PPP6R3: variants seen among roughly 807,000 people sequenced by gnomAD.
PPP6R3 encodes protein phosphatase 6 regulatory subunit 3.
In PPP6R3, 38 loss-of-function variants were observed where a neutral mutation model predicts 110.7. The observed-to-expected ratio is 0.34, with a 90% CI of 0.26 to 0.45. The LOEUF is 0.45. PPP6R3 is among the 20% of genes least tolerant of loss of function. The pLI, the probability that PPP6R3 is intolerant of heterozygous loss-of-function variation, is 1.00. For missense variants in PPP6R3, 870 were observed against 1,062.4 expected, an observed-to-expected ratio of 0.82 and a Z score of 2.52; for synonymous variants, 369 against 373.5, an observed-to-expected ratio of 0.99 and a Z score of 0.14.
At chr11:68,497,911 A>T (rs2153466156) in intron 1 of PPP6R3, among the ~76,000 whole-genome samples, 1 of 152,262 alleles carries the variant, frequency 6.6e-6, no homozygotes, top group South Asian at 2.1e-4. Context: ...TTCACTGGAT[A>T]GATAAAAGAA....
chr11:68,497,195 C>T lies in PPP6R3; in HGVS notation c.-157-22306C>T, dbSNP rs1231357869. 6.2e-5 allele frequency among the ~76,000 whole-genome samples: 9 copies of T among 144,784 alleles called. No individual in the cohort carries two copies. The East Asian group carries it at 1.0e-3, about 17-fold the overall frequency. The allele number at this position is 144,784 out of a possible 152,430, so 95.0% of individuals were successfully genotyped here. A position where few individuals can be genotyped will look rare whatever the true frequency, so the allele number is the denominator to read the frequency against. ...CCGAGTAGCTGGGACTACAGGTGCC[C>T]GCCACCACGCCCGGCTAATTTTTTT... On this transcript the variant is annotated intron_variant, in intron 1 of 23. Transcript: ENST00000393800.
intron 14 of PPP6R3, among the ~76,000 whole-genome samples, chr11:68,581,980 A>C (rs1019047072): frequency 6.6e-6 from 1 of 152,174 alleles, no homozygotes; most frequent in Non-Finnish European, 1.5e-5. Context: ...TCAGGCAGTG[A>C]TTTGCTCAGA....
chr11:68,505,474 T>G (rs2099070961), intron 1 of PPP6R3, among the ~76,000 whole-genome samples: 1 of 152,166 alleles, frequency 6.6e-6, no homozygotes, highest in Non-Finnish European at 1.5e-5. Flanking sequence ...TTTTAAAAAT[T>G]GAATTATTGT....
intron 23 of PPP6R3, among the ~76,000 whole-genome samples, chr11:68,610,767 T>C (rs901652208): frequency 6.6e-6 from 1 of 152,154 alleles, no homozygotes. Flanking sequence ...TGTGAACAAA[T>C]GTAGCTAAGA....
chr11:68,588,465 C>T (rs1375155655), intron 16 of PPP6R3, among the ~76,000 whole-genome samples: 21 of 151,896 alleles, frequency 1.4e-4, no homozygotes, highest in African/African-American at 2.4e-5. Flanking sequence ...TGACGTGGTC[C>T]CTTTTTTTTG....
chr11:68,485,702 T>C (rs2098942527), intron 1 of PPP6R3, among the ~76,000 whole-genome samples: 1 of 151,574 alleles, frequency 6.6e-6, no homozygotes, highest in East Asian at 1.9e-4. Context: ...TTTAAAAAAT[T>C]ATTTATTTTG....
chr11:68,542,400 T>TTTTTTTTTTTTTG (rs1173863254), intron 3 of PPP6R3, among the ~76,000 whole-genome samples: 6 of 63,348 alleles, frequency 9.5e-5, no homozygotes, highest in Non-Finnish European at 2.0e-4. Flanking sequence ...TTTTTTTTTT[T>TTTTTTTTTTTTTG]TTTTTTTTTT....
At chr11:68,598,604 G>A (rs532238519) in intron 19 of PPP6R3, among the ~76,000 whole-genome samples, 94 of 152,318 alleles carry the variant, frequency 6.2e-4, no homozygotes, top group Middle Eastern at 3.4e-3. Context: ...GCCCCAGAGA[G>A]CCTCTGCCAT....
chr11:68,585,816 G>T lies in PPP6R3; in HGVS notation c.1633-2111G>T, dbSNP rs987961486. On this transcript the variant is annotated intron_variant, in intron 15 of 23. Transcript: ENST00000393800. ...TGGATGAATAGATAAATATATATCT[G>T]TATATGTATTCTGTATGTACATGTA... Among the ~76,000 whole-genome samples the T allele has an allele frequency of 1.3e-4, 20 of 152,120 alleles. 1 individual carries two copies. Among genetic ancestry groups the T allele is most frequent in the African/African-American group, 4.6e-4 (19 of 41,422 alleles).
intron 1 of PPP6R3, among the ~76,000 whole-genome samples, chr11:68,491,678 A>G (rs892687998): frequency 2.0e-5 from 3 of 152,066 alleles, no homozygotes; most frequent in African/African-American, 7.2e-5. Context: ...TGTACCGTTC[A>G]GTGGCATTAA....
chr11:68,564,499 T>A, intron 9 of PPP6R3, 67 bp downstream of exon 9: 1 of 1,553,544 alleles, frequency 6.4e-7, no homozygotes, highest in Non-Finnish European at 8.8e-7. Flanking sequence ...TTCGAATGTG[T>A]ACGGGCCTTA....
intron 23 of PPP6R3, among the ~76,000 whole-genome samples, chr11:68,612,407 T>C (rs554178183): frequency 4.9e-4 from 74 of 152,322 alleles, no homozygotes; most frequent in Middle Eastern, 3.4e-3. Flanking sequence ...CCAAGTCTGC[T>C]TGATACAATT....
intron 2 of PPP6R3, among the ~76,000 whole-genome samples, chr11:68,532,293 T>C (rs1241911639): frequency 2.0e-5 from 3 of 152,246 alleles, no homozygotes; most frequent in Admixed American, 6.5e-5. Flanking sequence ...ATTTTGTGTA[T>C]ATAAGATGGC....
chr11:68,566,115 C>CAA (rs972570215), intron 9 of PPP6R3, among the ~76,000 whole-genome samples: 2 of 152,184 alleles, frequency 1.3e-5, no homozygotes, highest in Non-Finnish European at 2.9e-5. Flanking sequence ...TTAGATTGAT[C>CAA]ACATTTCAGG....
At chr11:68,564,204 A>G (rs376783205) in intron 8 of PPP6R3, 99 bp from the exon 9 acceptor site, 2 of 1,258,116 alleles carry the variant, frequency 1.6e-6, no homozygotes, top group Non-Finnish European at 2.2e-6. Flanking sequence ...CGCAGCCAGA[A>G]AAGTTGATAT....
chr11:68,483,565 C>T (rs763781589), intron 1 of PPP6R3, among the ~76,000 whole-genome samples: 15 of 149,960 alleles, frequency 1.0e-4, no homozygotes, highest in African/African-American at 2.5e-4. Flanking sequence ...TCATTGTAAC[C>T]TCCGCCTCTC....
At chr11:68,547,979 T>C in intron 4 of PPP6R3, 88 bp from the exon 5 acceptor site, 1 of 1,331,740 alleles carries the variant, frequency 7.5e-7, no homozygotes, top group South Asian at 1.6e-5. Flanking sequence ...AGTGGTAGAA[T>C]TTGGAGGAGT....
chr11:68,612,882 G>GCACT, intron 23 of PPP6R3, 184 bp from the exon 24 acceptor site: 2 of 1,174,272 alleles, frequency 1.7e-6, no homozygotes, highest in South Asian at 3.1e-5. Flanking sequence ...AAGCTTAGAT[G>GCACT]CACTCACTCA....
At chr11:68,493,637 A>ATATAT (rs1555050111) in intron 1 of PPP6R3, among the ~76,000 whole-genome samples, 10 of 137,270 alleles carry the variant, frequency 7.3e-5, no homozygotes, top group Non-Finnish European at 1.2e-4. Flanking sequence ...ATATATATAT[A>ATATAT]AAATATATAT....
Sources: gnomAD v4.1 joint callset for allele counts (sites outside exome capture counted in the v4.1 genomes callset) on GRCh38, gnomAD v4.1.1 for gene constraint, MANE v1.5 for transcripts, NCBI Gene and HGNC (gene_info 2026-07-23, HGNC 2026-07-21) for gene names.